Variants in SNAP47 observed in about 807,000 individuals in gnomAD.
SNAP47 encodes the protein synaptosomal-associated protein 47.
A neutral mutation model predicts 31.4 loss-of-function variants in SNAP47; 20 were observed. That is an observed-to-expected ratio of 0.64 (90% CI 0.45 to 0.93). SNAP47 has a LOEUF of 0.93. SNAP47 is among the 40% of genes least tolerant of loss of function. The probability of loss-of-function intolerance (pLI) is 0.00; values close to 1 mark genes in which losing one functional copy is unlikely to be tolerated. For missense variants in SNAP47, 492 were observed against 528.5 expected (o/e 0.93, Z 0.68); for synonymous variants, 194 against 213.4 (o/e 0.91, Z 0.79).
Position 227,729,567 on chromosome 1 carries a change from G to C in SNAP47, c.-95+781G>C, listed in dbSNP as rs958660839. ...GGATGTGGCTCTCAGGGATGCCCCA[G>C]ACCTGGGATGTGGGCTTCAGGGTAG... On this transcript the variant is annotated intron_variant, in intron 1 of 3. Transcript: ENST00000366760. 2.6e-5 allele frequency among the ~76,000 whole-genome samples: 4 copies of C among 152,244 alleles called. No homozygotes were observed. In the South Asian group the frequency reaches 8.3e-4, roughly 32 times the overall value.
In SNAP47 at chr1:227,775,771, CTT is replaced by C. The variant is rs1172340521; in HGVS notation, c.1114-4755_1114-4754del. The C allele has an allele frequency of 3.8e-6, 5 of 1,302,494 alleles. No individual in the cohort carries two copies. The South Asian group carries it at 4.9e-5, about 13-fold the overall frequency. The allele number at this position is 1,302,494 out of a possible 1,614,324, so 80.7% of individuals were successfully genotyped here. Reference sequence around the variant, plus strand: ...GGAAATGGTGAGAATGCTAAATTCTCTTGTTTTTGCTCTGCAGGGCTTCCGGC... The same window carrying C: ...GGAAATGGTGAGAATGCTAAATTCTCGTTTTTGCTCTGCAGGGCTTCCGGC... On this transcript the variant is annotated intron_variant, in intron 4 of 4. Transcript: ENST00000617596.
intron 4 of SNAP47, chr1:227,776,278 G>A: frequency 9.8e-7 from 1 of 1,018,528 alleles, no homozygotes; most frequent in Non-Finnish European, 1.2e-6. Flanking sequence ...GGCCAGCCTG[G>A]ATTGTACTGT....
At chr1:227,735,573 G>A in intron 1 of SNAP47, 74 bp downstream of exon 1, 2 of 1,342,722 alleles carry the variant, frequency 1.5e-6, no homozygotes, top group Non-Finnish European at 1.9e-6. Flanking sequence ...CTCAGTCCGC[G>A]CGCTGTGGCT....
At chr1:227,778,383 T>C (rs1417378568) in intron 4 of SNAP47, among the ~76,000 whole-genome samples, 1 of 152,238 alleles carries the variant, frequency 6.6e-6, no homozygotes, top group African/African-American at 2.4e-5. Context: ...TCCCCAGCCG[T>C]CAGCTCATGG....
chr1:227,741,157 G>A lies in SNAP47; in HGVS notation c.-46+5658G>A, dbSNP rs1179087071. 6.6e-6 allele frequency among the ~76,000 whole-genome samples: 1 copy of A among 152,178 alleles called. No homozygotes were observed. Among genetic ancestry groups the A allele is most frequent in the Non-Finnish European group, 1.5e-5 (1 of 68,024 alleles). On this transcript the variant is annotated intron_variant, in intron 1 of 4. Coordinates refer to ENST00000617596, the MANE Select transcript of SNAP47 (RefSeq NM_053052.4). The surrounding 1 kb of genome is among the most constrained non-coding windows in gnomAD (Gnocchi z 4.2). ...GGGGCAGATCAGCGAGTGATCAGAT[G>A]TCCAAGTTTGAAGCGTGAGGGAGTC... is the stretch of plus-strand genomic sequence containing the variant.
rs145310786 is a variant in SNAP47, at chr1:227,772,551, C to T, written c.1113+5468C>T. 9.1e-3 allele frequency among the ~76,000 whole-genome samples: 1,384 copies of T among 152,252 alleles called. 55 individuals are homozygous for T. The highest frequency in any genetic ancestry group is 0.083 in the East Asian group (429 of 5,170). ...CTGCTATGGAGAATGCCGCTGTAAG[C>T]GTTCACGTGAGCATCTGTTTGAGGC... On this transcript the variant is annotated intron_variant, in intron 4 of 4. Transcript: ENST00000617596.
rs1378570911 is a variant in SNAP47 at position 227,780,882 on chromosome 1, AG to A, written c.*211del. The A allele has an allele frequency of 7.8e-6, 5 of 640,952 alleles. No homozygotes were observed. Among genetic ancestry groups the A allele is most frequent in the Non-Finnish European group, 1.3e-5 (5 of 378,380 alleles). 39.7% of individuals were successfully genotyped at this position (640,952 alleles called of 1,614,324 possible). On this transcript the variant is annotated 3_prime_UTR_variant, in exon 5 of 5. Transcript: ENST00000617596. The stretch of plus-strand genomic sequence containing the variant: ...CACTTGGCTGTCCCTGCTGCTGGGC[AG>A]GACCCGGCCACATGTTCTGCGGATG...
rs1661586015 is a variant in SNAP47, at chr1:227,741,366, T to C, written c.-46+5867T>C. Among the ~76,000 whole-genome samples the C allele has an allele frequency of 6.6e-6, 1 of 152,074 alleles. No individual in the cohort carries two copies. Among genetic ancestry groups the C allele is most frequent in the Non-Finnish European group, 1.5e-5 (1 of 67,988 alleles). ...ACTCATGGAAGTGGGGCTGGAGACCTGGAGAGGGTAGTGGCCAGGGAGCCA... is the reference window on the plus strand; with the variant it reads ...ACTCATGGAAGTGGGGCTGGAGACCCGGAGAGGGTAGTGGCCAGGGAGCCA... On this transcript the variant is annotated intron_variant, in intron 1 of 4. Transcript: ENST00000617596. The surrounding 1 kb of genome is among the most constrained non-coding windows in gnomAD (Gnocchi z 4.2).
At chr1:227,732,237 A>G (rs189409794), upstream of SNAP47, 140 of 862,860 alleles carry the variant, frequency 1.6e-4, no homozygotes, top group East Asian at 3.4e-3. Flanking sequence ...CCTCACCTGA[A>G]AACAGGCACC....
At position 227,780,539 on chromosome 1, in the gene SNAP47, A is replaced by T. The variant is rs1189081656; in HGVS notation, c.1126A>T (p.Met376Leu). 6.2e-7 allele frequency: 1 copy of T among 1,614,038 alleles called. No homozygotes were observed. Among genetic ancestry groups the T allele is most frequent in the Admixed American group, 1.7e-5 (1 of 60,030 alleles). ...TGCTTCTCCCCAGATCCTGAGGAGG[A>T]TGAAGGGGCTGGCCCTGGAGGCCGA... ...TQELTQILRR[M>L]KGLALEAESE... Residue 376 changes from methionine (M) to leucine (L), a missense_variant, in exon 5 of 5, where the codon ATG (methionine) becomes TTG (leucine). Met to Leu is a conservative substitution (Grantham distance 15, BLOSUM62 2). Coordinates refer to ENST00000617596, the MANE Select transcript of SNAP47 (RefSeq NM_053052.4).
upstream of SNAP47, chr1:227,732,956 C>A: frequency 6.2e-7 from 1 of 1,613,358 alleles, no homozygotes; most frequent in Non-Finnish European, 8.5e-7. Flanking sequence ...ATAGCTCCTG[C>A]TGCAAGAAGC....
At chr1:227,748,824 A>AT (rs1662154610) in intron 2 of SNAP47, among the ~76,000 whole-genome samples, 2 of 152,166 alleles carry the variant, frequency 1.3e-5, no homozygotes, top group African/African-American at 4.8e-5. Context: ...TTCATGAGCT[A>AT]TGTTCTTCTG....
At chr1:227,757,981 T>C (rs928996655) in intron 2 of SNAP47, among the ~76,000 whole-genome samples, 5 of 152,228 alleles carry the variant, frequency 3.3e-5, no homozygotes, top group African/African-American at 1.2e-4. Flanking sequence ...GCAGTCACCC[T>C]GCTGGGCAGC....
At chr1:227,779,725 TC>T (rs1166158317) in intron 4 of SNAP47, among the ~76,000 whole-genome samples, 6 of 152,152 alleles carry the variant, frequency 3.9e-5, no homozygotes, top group Non-Finnish European at 8.8e-5. Flanking sequence ...TGGTTCACCT[TC>T]CTAGATTCCT....
At position 227,780,628 on chromosome 1, in the gene SNAP47, C is replaced by A; in HGVS notation, c.1215C>A (p.Thr405=). The A allele has an allele frequency of 6.2e-7, 1 of 1,614,190 alleles. No individual in the cohort carries two copies. The highest frequency in any genetic ancestry group is 1.7e-5 in the Admixed American group (1 of 60,020). The stretch of plus-strand genomic sequence containing the variant: ...TTGCAGCAGCTGTGGACAGGGCAAC[C>A]TTGACCATCGACAAGCACAACAGGC... ...DGVAAAVDRA[T]LTIDKHNRRM... Residue 405 remains threonine, a synonymous_variant, in exon 5 of 5, where the codon ACC becomes ACA. Coordinates refer to ENST00000617596, the MANE Select transcript of SNAP47 (RefSeq NM_053052.4).
chr1:227,746,781 T>G (rs1180674823), intron 1 of SNAP47: 1 of 152,232 alleles, frequency 6.6e-6, no homozygotes, highest in African/African-American at 2.4e-5. Flanking sequence ...GTGAGAGAAG[T>G]GGGAGAAATG....
At chr1:227,776,974 C>G (rs751693185) in intron 4 of SNAP47, 9 of 985,368 alleles carry the variant, frequency 9.1e-6, no homozygotes, top group African/African-American at 1.7e-5. Context: ...ATAGGCAGAT[C>G]AGCTGGTCTT....
At chr1:227,770,666 C>A (rs558100629) in intron 4 of SNAP47, 1 of 154,938 alleles carries the variant, frequency 6.5e-6, no homozygotes, top group Admixed American at 6.5e-5. Context: ...CTAAACTTTC[C>A]TCAATTAATC....
intron 2 of SNAP47, among the ~76,000 whole-genome samples, chr1:227,751,185 G>A (rs1427985082): frequency 1.3e-5 from 2 of 152,188 alleles, no homozygotes; most frequent in African/African-American, 4.8e-5. Context: ...AGCCCGCCCT[G>A]TGTCGCCCAC....
Sources: allele counts gnomAD v4.1 joint callset (sites outside exome capture counted in the v4.1 genomes callset), GRCh38; gene constraint gnomAD v4.1.1; non-coding constraint Gnocchi (gnomAD v3.1); transcripts MANE v1.5; gene names NCBI Gene and HGNC (gene_info 2026-07-23, HGNC 2026-07-21).